SERPINA6: variants seen among roughly 807,000 people sequenced by gnomAD.
SERPINA6 encodes the protein serpin family A member 6.
SERPINA6 carries 19 observed loss-of-function variants against 26.4 expected under a neutral mutation model. The observed-to-expected ratio is 0.72, with a 90% CI of 0.50 to 1.06. The LOEUF (loss-of-function observed/expected upper bound fraction) is 1.06. Among genes scored for constraint, SERPINA6 ranks in the 50% least tolerant of loss-of-function variants. SERPINA6 has a pLI of 0.00. For missense variants in SERPINA6, 473 were observed against 504.0 expected (o/e 0.94, Z 0.59); for synonymous variants, 196 against 199.4 (o/e 0.98, Z 0.14).
chr14:94,306,847 C>T (rs975329177), intron 3 of SERPINA6, among the ~76,000 whole-genome samples: 6 of 152,232 alleles, frequency 3.9e-5, no homozygotes, highest in Admixed American at 2.6e-4. Context: ...CGGGCATCTA[C>T]GCTTTTTAAC....
At chr14:94,306,742 G>A (rs1895446991) in intron 3 of SERPINA6, among the ~76,000 whole-genome samples, 1 of 152,228 alleles carries the variant, frequency 6.6e-6, no homozygotes, top group African/African-American at 2.4e-5. Context: ...CGAAATCTCT[G>A]TGATTCTGCA....
chr14:94,310,086 TGA>T, intron 2 of SERPINA6, 80 bp from the exon 3 acceptor site: 1 of 1,429,260 alleles, frequency 7.0e-7, no homozygotes, highest in South Asian at 1.2e-5. Context: ...ACTATCCAAG[TGA>T]CACAGTGGCC....
At chr14:94,316,895 G>C (rs1021137575) in intron 1 of SERPINA6, among the ~76,000 whole-genome samples, 1 of 152,158 alleles carries the variant, frequency 6.6e-6, no homozygotes, top group African/African-American at 2.4e-5. Context: ...TAAACCAGCA[G>C]CCTTATTAGG....
chr14:94,314,411 C>A lies in SERPINA6; in HGVS notation c.238G>T (p.Gly80Cys). ...TGGGCCCGTGTGTGGCCACAGGTGC[C>A]CAGGGACAGCATAGCTAAGGCCATG... is the stretch of plus-strand genomic sequence containing the variant. ...ISMALAMLSL[G>C]TCGHTRAQLL... The change falls in exon 2 of 5, where the codon GGC becomes TGC. Residue 80 changes from glycine to cysteine, a missense_variant. By Grantham distance (159) the Gly-to-Cys change is radical. Transcript: ENST00000341584. 3.7e-6 allele frequency: 6 copies of A among 1,614,128 alleles called. No individual in the cohort carries two copies. The highest frequency in any genetic ancestry group is 5.1e-6 in the Non-Finnish European group (6 of 1,180,038).
At chr14:94,312,027 C>T (rs1186144247) in intron 2 of SERPINA6, among the ~76,000 whole-genome samples, 1 of 152,316 alleles carries the variant, frequency 6.6e-6, no homozygotes, top group South Asian at 2.1e-4. Context: ...ATAATACCTA[C>T]ACTAATCTTG....
intron 1 of SERPINA6, among the ~76,000 whole-genome samples, chr14:94,317,038 G>A (rs1407293999): frequency 6.6e-6 from 1 of 152,102 alleles, no homozygotes. Context: ...CTCAGCTTCT[G>A]TAATTACATA....
chr14:94,309,714 A>G (rs754446971), intron 3 of SERPINA6, 22 bp downstream of exon 3: 3 of 1,613,406 alleles, frequency 1.9e-6, no homozygotes, highest in Non-Finnish European at 2.5e-6. Flanking sequence ...GCAGAAATCA[A>G]CATGATGGCT....
At chr14:94,309,161 G>A (rs1351634490) in intron 3 of SERPINA6, among the ~76,000 whole-genome samples, 2 of 152,214 alleles carry the variant, frequency 1.3e-5, no homozygotes, top group African/African-American at 4.8e-5. Flanking sequence ...TTCAGGATAT[G>A]CAGCCCTTGC....
chr14:94,320,027 A>T (rs1895662116), intron 1 of SERPINA6, among the ~76,000 whole-genome samples: 1 of 152,240 alleles, frequency 6.6e-6, no homozygotes, highest in African/African-American at 2.4e-5. Context: ...AATTAAAAAA[A>T]ATCCACCCAA....
At chr14:94,313,790 G>A in intron 2 of SERPINA6, 1 of 648,262 alleles carries the variant, frequency 1.5e-6, no homozygotes, top group African/African-American at 1.8e-5. Flanking sequence ...ATGGTTACAG[G>A]TGTGGGCCTC....
chr14:94,312,675 C>T (rs1366796697), intron 2 of SERPINA6, among the ~76,000 whole-genome samples: 1 of 152,230 alleles, frequency 6.6e-6, no homozygotes, highest in Non-Finnish European at 1.5e-5. Flanking sequence ...AAGAGGGCGG[C>T]CTCTCCTGGG....
At chr14:94,309,362 T>C (rs1895491829) in intron 3 of SERPINA6, among the ~76,000 whole-genome samples, 1 of 152,126 alleles carries the variant, frequency 6.6e-6, no homozygotes, top group Admixed American at 6.5e-5. Context: ...CAAGAATCTT[T>C]AGCAGGGCGT....
chr14:94,311,958 A>AAAAT (rs770141716), intron 2 of SERPINA6, among the ~76,000 whole-genome samples: 17 of 152,214 alleles, frequency 1.1e-4, no homozygotes, highest in East Asian at 1.9e-4. Flanking sequence ...AAAAAAAATA[A>AAAAT]AAATAAATAA....
rs1228259395 is a variant in SERPINA6, at chr14:94,323,326, A to C, written c.-79T>G. Reference sequence around the variant, plus strand: ...TGGTCCTGCTGTCCTGGACCCTAGCATGTGTACAGTAAGCCTGCGGTGGAT... The same window carrying C: ...TGGTCCTGCTGTCCTGGACCCTAGCCTGTGTACAGTAAGCCTGCGGTGGAT... On this transcript the variant is annotated 5_prime_UTR_variant, in exon 1 of 5. An upstream start codon of the reference 5' UTR is lost. Transcript: ENST00000341584. The C allele has an allele frequency of 6.6e-6, 1 of 152,246 alleles. No homozygotes were observed. Among genetic ancestry groups the C allele is most frequent in the Non-Finnish European group, 1.5e-5 (1 of 68,116 alleles). The allele number at this position is 152,246 out of a possible 1,614,324, so 9.4% of individuals were successfully genotyped here. A position where few individuals can be genotyped will look rare whatever the true frequency, so the allele number is the denominator to read the frequency against.
chr14:94,306,466 A>G (rs1020391121), intron 3 of SERPINA6, among the ~76,000 whole-genome samples: 5 of 152,176 alleles, frequency 3.3e-5, no homozygotes, highest in Non-Finnish European at 7.4e-5. Flanking sequence ...CTTCTCTGCA[A>G]TTCCTTCGAG....
intron 3 of SERPINA6, among the ~76,000 whole-genome samples, chr14:94,306,877 A>G (rs1453791613): frequency 6.6e-6 from 1 of 152,204 alleles, no homozygotes; most frequent in Non-Finnish European, 1.5e-5. Context: ...CCTTAGTGTT[A>G]TTTTTAAATT....
At chr14:94,305,502 C>T (rs1895425005) in intron 4 of SERPINA6, among the ~76,000 whole-genome samples, 1 of 152,166 alleles carries the variant, frequency 6.6e-6, no homozygotes. Context: ...TTACTGAGCA[C>T]ATATTACGTG....
intron 1 of SERPINA6, among the ~76,000 whole-genome samples, chr14:94,321,502 G>T (rs1242445318): frequency 1.3e-5 from 2 of 152,164 alleles, no homozygotes; most frequent in African/African-American, 4.8e-5. Context: ...CCACTGTGGG[G>T]CAGGGCAGGG....
rs777273482 is a variant in SERPINA6, at chr14:94,309,780, C to A, written c.840G>T (p.Leu280=). 2.5e-6 allele frequency: 4 copies of A among 1,614,070 alleles called. No individual in the cohort carries two copies. The African/African-American group carries it at 5.3e-5, about 22-fold the overall frequency. ...ACCACCTGTTAATCGTGTCCCGGCTCAGTGCAGCGATGACTGTGTTCATCT... is the reference window on the plus strand; with the variant it reads ...ACCACCTGTTAATCGTGTCCCGGCTAAGTGCAGCGATGACTGTGTTCATCT... ...KGKMNTVIAA[L]SRDTINRWSA... The change falls in exon 3 of 5, where the codon CTG becomes CTT. Residue 280 remains leucine (L), a synonymous_variant. Transcript: ENST00000341584.
Sources: gnomAD v4.1 joint callset for allele counts (sites outside exome capture counted in the v4.1 genomes callset) on GRCh38, gnomAD v4.1.1 for gene constraint, MANE v1.5 for transcripts, NCBI Gene and HGNC (gene_info 2026-07-23, HGNC 2026-07-21) for gene names.